CNDP1: variants seen among roughly 807,000 people sequenced by gnomAD.
The protein encoded by CNDP1 is carnosine dipeptidase 1.
In CNDP1, 44 loss-of-function variants were observed where a neutral mutation model predicts 58.1. The ratio of observed to expected loss-of-function variants is 0.76; its 90% CI spans 0.60 to 0.97. The LOEUF (loss-of-function observed/expected upper bound fraction) is 0.97. Ranked by LOEUF, CNDP1 falls within the 50% of genes least tolerant of loss-of-function variation. CNDP1 has a pLI of 0.00. For synonymous variants in CNDP1, 254 were observed against 252.6 expected (o/e 1.01, Z -0.05); for missense variants, 616 against 655.1 (o/e 0.94, Z 0.65).
chr18:74,539,284 C>T lies in CNDP1; in HGVS notation c.24+4593C>T, dbSNP rs150968659. Among the ~76,000 whole-genome samples, 614 of 152,152 alleles carry T rather than the reference C, an allele frequency of 4.0e-3. 3 individuals carry two copies. The highest frequency in any genetic ancestry group is 7.3e-3 in the Non-Finnish European group (495 of 67,994). On this transcript the variant is annotated intron_variant, in intron 1 of 11. Coordinates refer to ENST00000358821, the MANE Select transcript of CNDP1 (RefSeq NM_032649.6). ...TTTATATTAATAGACTCCCAACTTA[C>T]GACGGAAGGATGCAGGCTTTTCCCA...
chr18:74,578,061 G>A, intron 8 of CNDP1, 102 bp from the exon 9 acceptor site: 1 of 1,054,426 alleles, frequency 9.5e-7, no homozygotes, highest in Non-Finnish European at 1.4e-6. Context: ...CAGTTAACGT[G>A]TCCTGAATGG....
intron 1 of CNDP1, among the ~76,000 whole-genome samples, chr18:74,548,503 T>C (rs569689631): frequency 6.6e-6 from 1 of 152,270 alleles, no homozygotes; most frequent in African/African-American, 2.4e-5. Context: ...ATGAGCCAAT[T>C]ACACCTCTTT....
intron 4 of CNDP1, 101 bp downstream of exon 4, chr18:74,561,119 A>G: frequency 6.9e-7 from 1 of 1,439,596 alleles, no homozygotes; most frequent in South Asian, 1.3e-5. Context: ...TCTCCCTGTC[A>G]TTAAGAATGC....
In CNDP1 at chr18:74,576,998, G is replaced by A. The variant is rs764233982; in HGVS notation, c.971G>A (p.Ser324Asn). Residue 324 changes from serine (S) to asparagine (N), a missense_variant, in exon 8 of 12, where the codon AGC becomes AAC. Coordinates refer to ENST00000358821, the MANE Select transcript of CNDP1 (RefSeq NM_032649.6). Reference sequence around the variant, plus strand: ...GACCTAGAAGAATACCGGAATAGCAGCCGGGTTGAGAAATTTCTGTTCGAT... The same window carrying A: ...GACCTAGAAGAATACCGGAATAGCAACCGGGTTGAGAAATTTCTGTTCGAT... Reference protein sequence around the residue: ...HLDLEEYRNSSRVEKFLFDTK... With the variant: ...HLDLEEYRNSNRVEKFLFDTK... 2 of 1,613,022 alleles carry A rather than the reference G, an allele frequency of 1.2e-6. No homozygotes were observed. Among genetic ancestry groups the A allele is most frequent in the Non-Finnish European group, 1.7e-6 (2 of 1,179,580 alleles).
At chr18:74,548,645 A>G (rs1031247377) in intron 1 of CNDP1, among the ~76,000 whole-genome samples, 15 of 152,224 alleles carry the variant, frequency 9.9e-5, no homozygotes, top group Non-Finnish European at 1.9e-4. Context: ...TTCGGAACTC[A>G]GTAACAGACA....
chr18:74,568,432 C>A (rs138770295), intron 6 of CNDP1, among the ~76,000 whole-genome samples: 1 of 152,120 alleles, frequency 6.6e-6, no homozygotes, highest in Non-Finnish European at 1.5e-5. Context: ...AGGGACTGTC[C>A]TCTAGAACCC....
At position 74,578,207 on chromosome 18, in the gene CNDP1, T is replaced by A; in HGVS notation, c.1047T>A (p.Ile349=). 2 of 1,614,092 alleles carry A rather than the reference T, an allele frequency of 1.2e-6. No individual in the cohort carries two copies. Among genetic ancestry groups the A allele is most frequent in the Non-Finnish European group, 1.7e-6 (2 of 1,179,996 alleles). Residue 349 remains isoleucine (I), a synonymous_variant, in exon 9 of 12, where the codon ATT becomes ATA. Coordinates refer to ENST00000358821, the MANE Select transcript of CNDP1 (RefSeq NM_032649.6). ...MHLWRYPSLS[I]HGIEGAFDEP... ...TCTGGAGGTACCCATCTCTTTCTAT[T>A]CATGGGATCGAGGGCGCGTTTGATG...
intron 1 of CNDP1, among the ~76,000 whole-genome samples, chr18:74,549,496 A>T (rs900932602): frequency 1.3e-5 from 2 of 152,124 alleles, no homozygotes; most frequent in African/African-American, 4.8e-5. Context: ...GAGCACTGGC[A>T]GTGAGCTGCA....
At chr18:74,568,174 C>T (rs867194710) in intron 6 of CNDP1, among the ~76,000 whole-genome samples, 31 of 152,304 alleles carry the variant, frequency 2.0e-4, no homozygotes, top group African/African-American at 7.0e-4. Flanking sequence ...CATATAACAA[C>T]GTGTAGGCTG....
rs980296665 is a variant in CNDP1 at position 74,585,586 on chromosome 18, A to G, written c.*1024A>G. 1 of 152,180 alleles carries G rather than the reference A, an allele frequency of 6.6e-6. No homozygotes were observed. The highest frequency in any genetic ancestry group is 1.5e-5 in the Non-Finnish European group (1 of 68,026). 9.4% of individuals were successfully genotyped at this position (152,180 alleles called of 1,614,324 possible). The stretch of plus-strand genomic sequence containing the variant: ...AACAAAAAAAGACAGTCATTTTTCT[A>G]CAGTTGAGTGTATATAAACAAAATC... On this transcript the variant is annotated 3_prime_UTR_variant, in exon 12 of 12. Transcript: ENST00000358821.
chr18:74,549,176 C>A (rs1004738786), intron 1 of CNDP1, among the ~76,000 whole-genome samples: 2 of 152,204 alleles, frequency 1.3e-5, no homozygotes, highest in Non-Finnish European at 2.9e-5. Flanking sequence ...TTGGAAACAA[C>A]AGACATCATT....
intron 1 of CNDP1, among the ~76,000 whole-genome samples, chr18:74,546,415 G>A (rs376824562): frequency 6.6e-6 from 1 of 152,176 alleles, no homozygotes; most frequent in Non-Finnish European, 1.5e-5. Flanking sequence ...TAGCGGCTTG[G>A]TTGCTGGACT....
intron 2 of CNDP1, 88 bp downstream of exon 2, chr18:74,556,554 G>A: frequency 5.8e-6 from 9 of 1,541,150 alleles, no homozygotes; most frequent in East Asian, 2.3e-5. Flanking sequence ...GCTTGGAGAT[G>A]TGGATTTTTT....
chr18:74,571,076 C>T, intron 6 of CNDP1, 110 bp from the exon 7 acceptor site: 2 of 700,536 alleles, frequency 2.9e-6, no homozygotes, highest in Non-Finnish European at 5.1e-6. Flanking sequence ...TGGATGTTGC[C>T]TACCTGAGTT....
rs1413295107 is a variant in CNDP1 at position 74,577,871 on chromosome 18, G to C, written c.1003-292G>C. 1.7e-5 allele frequency: 5 copies of C among 288,928 alleles called. No homozygotes were observed. The South Asian group carries it at 2.8e-4, about 16-fold the overall frequency. 17.9% of individuals were successfully genotyped at this position (288,928 alleles called of 1,614,324 possible). On this transcript the variant is annotated intron_variant, in intron 8 of 11. Coordinates refer to ENST00000358821, the MANE Select transcript of CNDP1 (RefSeq NM_032649.6). The stretch of plus-strand genomic sequence containing the variant: ...TGGCCATACCACACTGAACGTGCCC[G>C]ATCTCGTTTGAAAGGGCCCCTTTGC...
At chr18:74,548,659 G>A (rs1296366075) in intron 1 of CNDP1, among the ~76,000 whole-genome samples, 1 of 152,220 alleles carries the variant, frequency 6.6e-6, no homozygotes, top group Non-Finnish European at 1.5e-5. Context: ...ACAGACAGAG[G>A]TTGGAAGAGT....
chr18:74,583,777 G>C (rs764759789), intron 11 of CNDP1, 69 bp downstream of exon 11: 28 of 1,464,750 alleles, frequency 1.9e-5, no homozygotes, highest in Non-Finnish European at 2.7e-5. Flanking sequence ...TCTACACGTG[G>C]GTGAGCTCCT....
chr18:74,561,384 T>C (rs1042534044), intron 4 of CNDP1: 2 of 160,696 alleles, frequency 1.2e-5, no homozygotes, highest in Non-Finnish European at 2.7e-5. Context: ...CTGCACTCCA[T>C]TCTGCTTGGG....
chr18:74,547,925 A>G (rs892941980), intron 1 of CNDP1, among the ~76,000 whole-genome samples: 24 of 152,018 alleles, frequency 1.6e-4, no homozygotes, highest in Non-Finnish European at 3.1e-4. Context: ...AAGAATAACC[A>G]CCTGGAATAA....
Sources: gnomAD v4.1 joint callset for allele counts (sites outside exome capture counted in the v4.1 genomes callset) on GRCh38, gnomAD v4.1.1 for gene constraint, MANE v1.5 for transcripts, NCBI Gene and HGNC (gene_info 2026-07-23, HGNC 2026-07-21) for gene names.